GPHN: variants seen among roughly 807,000 people sequenced by gnomAD.
GPHN encodes the protein gephyrin.
Under a neutral mutation model 95.5 loss-of-function variants are expected in GPHN, and 17 were observed. That is an observed-to-expected ratio of 0.18 (90% CI 0.12 to 0.27). The LOEUF is 0.27. Among genes scored for constraint, GPHN ranks in the 10% least tolerant of loss-of-function variants. The pLI, the probability that GPHN is intolerant of heterozygous loss-of-function variation, is 1.00. For synonymous variants in GPHN, 320 were observed against 322.5 expected, an observed-to-expected ratio of 0.99 and a Z score of 0.08; for missense variants, 660 against 978.1, an observed-to-expected ratio of 0.67 and a Z score of 4.34.
At chr14:67,253,058 A>AG in the GPHN span, among the ~76,000 whole-genome samples, 1 of 152,356 alleles carries the variant, frequency 6.6e-6, no homozygotes, top group Admixed American at 6.5e-5. Context: ...TTACAGTACT[A>AG]TCACTGACTT....
At chr14:67,662,658 C>A in the GPHN span, 2 of 892,054 alleles carry the variant, frequency 2.2e-6, no homozygotes, top group South Asian at 1.8e-5. Context: ...GTAATCCCAG[C>A]ACTTTGGGAG....
chr14:66,693,691 G>T (rs554658042), intron 2 of GPHN, among the ~76,000 whole-genome samples: 1 of 152,138 alleles, frequency 6.6e-6, no homozygotes, highest in African/African-American at 2.4e-5. Flanking sequence ...GGACTCACTT[G>T]TGAATCTCCT....
chr14:67,258,778 G>A, the GPHN span, among the ~76,000 whole-genome samples: 16 of 152,090 alleles, frequency 1.1e-4, no homozygotes, highest in African/African-American at 3.9e-4. Flanking sequence ...TTCTTAATAA[G>A]TTATTTTGTT....
intron 9 of GPHN, among the ~76,000 whole-genome samples, chr14:66,980,896 C>T (rs562439442): frequency 1.3e-5 from 2 of 152,130 alleles, no homozygotes; most frequent in East Asian, 3.9e-4. Context: ...ATTAAAAACA[C>T]AAAATTAGCT....
At chr14:67,676,340 G>A in the GPHN span, among the ~76,000 whole-genome samples, 494 of 152,288 alleles carry the variant, frequency 3.2e-3, 17 homozygotes, top group East Asian at 0.081. Context: ...GCATAGACAT[G>A]ACCAAGTCTG....
chr14:66,801,218 G>A (rs2153476688), intron 3 of GPHN, among the ~76,000 whole-genome samples: 1 of 152,062 alleles, frequency 6.6e-6, no homozygotes, highest in Middle Eastern at 3.4e-3. Flanking sequence ...TAGTTCATGT[G>A]GTGAGGTCAT....
At chr14:67,239,643 G>T in the GPHN span, among the ~76,000 whole-genome samples, 1 of 152,188 alleles carries the variant, frequency 6.6e-6, no homozygotes, top group African/African-American at 2.4e-5. Context: ...ATCACCTGAG[G>T]TCAGGTGTTC....
chr14:66,961,265 T>C (rs1263613568), intron 8 of GPHN, among the ~76,000 whole-genome samples: 1 of 152,068 alleles, frequency 6.6e-6, no homozygotes, highest in Non-Finnish European at 1.5e-5. Context: ...TAAAGTTTAT[T>C]CTGCCTGTTT....
chr14:67,195,639 ATATAT>A, the GPHN span, among the ~76,000 whole-genome samples: 3 of 152,040 alleles, frequency 2.0e-5, no homozygotes, highest in African/African-American at 7.3e-5. Context: ...CAATTATAAG[ATATAT>A]TATTATTTTA....
the GPHN span, chr14:67,690,220 C>T: frequency 1.2e-6 from 2 of 1,613,094 alleles, no homozygotes; most frequent in Admixed American, 1.7e-5. Context: ...ACCTTTTAGT[C>T]TCCGGGCCAG....
In GPHN at chr14:66,686,193, T is replaced by C. The variant is rs1312188776; in HGVS notation, c.143+5008T>C. Among the ~76,000 whole-genome samples the C allele has an allele frequency of 3.3e-5, 5 of 152,326 alleles. No homozygotes were observed. In the East Asian group the frequency reaches 9.6e-4, roughly 29 times the overall value. Reference sequence around the variant, plus strand: ...AGTCAGGTAGCATGATGCCTCCAGCTTTGTTCTTTTGGCTTAGGATTGACT... The same window carrying C: ...AGTCAGGTAGCATGATGCCTCCAGCCTTGTTCTTTTGGCTTAGGATTGACT... On this transcript the variant is annotated intron_variant, in intron 2 of 22. Coordinates refer to ENST00000478722, the MANE Select transcript of GPHN (RefSeq NM_020806.5).
chr14:67,279,753 A>C, the GPHN span: 2 of 423,128 alleles, frequency 4.7e-6, no homozygotes. Flanking sequence ...AAGTCACTAT[A>C]ACATGTTTTT....
the GPHN span, chr14:67,321,137 A>G: frequency 3.7e-6 from 6 of 1,614,116 alleles, no homozygotes; most frequent in African/African-American, 4.0e-5. Flanking sequence ...CGAGGCAGAC[A>G]TAGCAGCTGG....
chr14:67,171,782 T>A (rs2082614363), intron 21 of GPHN, among the ~76,000 whole-genome samples: 1 of 151,930 alleles, frequency 6.6e-6, no homozygotes, highest in African/African-American at 2.4e-5. Flanking sequence ...CTCAGGATGG[T>A]CACATCGAGA....
chr14:66,831,215 A>G (rs1438444787), intron 4 of GPHN, among the ~76,000 whole-genome samples: 1 of 152,142 alleles, frequency 6.6e-6, no homozygotes, highest in Admixed American at 6.6e-5. Flanking sequence ...AGCAAAAAAT[A>G]CCATATTTAA....
At chr14:66,722,770 A>G (rs1057058590) in intron 2 of GPHN, among the ~76,000 whole-genome samples, 1 of 152,128 alleles carries the variant, frequency 6.6e-6, no homozygotes, top group African/African-American at 2.4e-5. Flanking sequence ...AACAACAACA[A>G]CAAAATACTT....
chr14:67,656,666 C>T, the GPHN span: 1 of 1,469,572 alleles, frequency 6.8e-7, no homozygotes, highest in African/African-American at 1.4e-5. Context: ...CATCACCTTC[C>T]CCATGTTAGA....
At chr14:67,681,365 GACTAAT>G in the GPHN span, among the ~76,000 whole-genome samples, 10 of 152,344 alleles carry the variant, frequency 6.6e-5, no homozygotes, top group African/African-American at 2.4e-4. Flanking sequence ...AGCCTTAACA[GACTAAT>G]ACAGATACCA....
intron 9 of GPHN, among the ~76,000 whole-genome samples, chr14:66,975,336 A>G (rs1437046927): frequency 1.3e-5 from 2 of 152,354 alleles, no homozygotes; most frequent in Admixed American, 6.5e-5. Flanking sequence ...TTGAAAGTAT[A>G]TGCAGAACTT....
Sources: allele counts gnomAD v4.1 joint callset (sites outside exome capture counted in the v4.1 genomes callset), GRCh38; gene constraint gnomAD v4.1.1; transcripts MANE v1.5; gene names NCBI Gene and HGNC (gene_info 2026-07-23, HGNC 2026-07-21).